The following KIZ variants were observed in gnomAD, a reference collection of about 807,000 sequenced individuals.
The protein encoded by KIZ is centrosomal protein kizuna.
In KIZ, 68 loss-of-function variants were observed where a neutral mutation model predicts 79.6. The ratio of observed to expected loss-of-function variants is 0.85; its 90% CI spans 0.70 to 1.05. The LOEUF (loss-of-function observed/expected upper bound fraction) is 1.05. KIZ is among the 50% of genes least tolerant of loss of function. The pLI, the probability that KIZ is intolerant of heterozygous loss-of-function variation, is 0.00. For missense variants in KIZ, 797 were observed against 800.4 expected (o/e 1.00, Z 0.05); for synonymous variants, 280 against 281.8 (o/e 0.99, Z 0.06).
At chr20:21,217,034 A>T (rs530472336) in intron 9 of KIZ, among the ~76,000 whole-genome samples, 1 of 152,218 alleles carries the variant, frequency 6.6e-6, no homozygotes. Flanking sequence ...GTTTGCCATT[A>T]AGATTTTAAA....
chr20:21,142,623 T>G (rs73131630), intron 3 of KIZ, among the ~76,000 whole-genome samples: 154 of 151,650 alleles, frequency 1.0e-3, no homozygotes, highest in Non-Finnish European at 1.8e-3. Context: ...AGAACCTGTC[T>G]CTACAAAAAA....
chr20:21,162,342 T>C lies in KIZ; in HGVS notation c.877T>C (p.Cys293Arg), dbSNP rs770135261. 7.4e-6 allele frequency: 12 copies of C among 1,613,870 alleles called. No individual in the cohort carries two copies. Among genetic ancestry groups the C allele is most frequent in the Middle Eastern group, 1.6e-4 (1 of 6,062 alleles). The change falls in exon 5 of 13, where the codon TGT (cysteine) becomes CGT (arginine). Residue 293 changes from cysteine (C) to arginine (R), a missense_variant. By Grantham distance (180) the Cys-to-Arg change is radical. Coordinates refer to ENST00000619189, the MANE Select transcript of KIZ (RefSeq NM_018474.6). ...AGAGAACAGAACCACTGATTTAAAG[T>C]GTGACAGTTCCAGCGGATCAGAGGG... ...SPENRTTDLK[C>R]DSSSGSEGEI...
chr20:21,216,021 A>T (rs565610178), intron 9 of KIZ, among the ~76,000 whole-genome samples: 2 of 152,192 alleles, frequency 1.3e-5, no homozygotes, highest in African/African-American at 4.8e-5. Flanking sequence ...TAGTAATTGC[A>T]TATGTATATT....
At chr20:21,241,732 G>A (rs1488513836) in intron 11 of KIZ, among the ~76,000 whole-genome samples, 2 of 152,198 alleles carry the variant, frequency 1.3e-5, no homozygotes, top group Non-Finnish European at 2.9e-5. Context: ...TGCTCAGTGG[G>A]TCACCTCCGT....
chr20:21,128,987 G>A lies in KIZ; in HGVS notation c.89+2783G>A, dbSNP rs549170287. Among the ~76,000 whole-genome samples, 35 of 152,118 alleles carry A rather than the reference G, an allele frequency of 2.3e-4. 1 individual carries two copies. The highest frequency in any genetic ancestry group is 4.3e-4 in the Non-Finnish European group (29 of 68,010). ...GTAAAACTGAAAGGTCCAAGTGAGG[G>A]GTGACTGAAAACATGAACTATGGGT... On this transcript the variant is annotated intron_variant, in intron 1 of 12. Coordinates refer to ENST00000619189, the MANE Select transcript of KIZ (RefSeq NM_018474.6).
chr20:21,139,452 T>C (rs2032392706), intron 3 of KIZ, among the ~76,000 whole-genome samples: 1 of 152,206 alleles, frequency 6.6e-6, no homozygotes, highest in Non-Finnish European at 1.5e-5. Flanking sequence ...ATGAAAAATG[T>C]TTAAAGTTCA....
intron 6 of KIZ, chr20:21,196,614 G>A (rs1334843669): frequency 1.3e-5 from 2 of 152,254 alleles, no homozygotes; most frequent in Non-Finnish European, 2.9e-5. Flanking sequence ...GGTACTATAA[G>A]TCAGATAGGC....
At chr20:21,171,252 A>G (rs1339349643) in intron 6 of KIZ, among the ~76,000 whole-genome samples, 1 of 152,154 alleles carries the variant, frequency 6.6e-6, no homozygotes, top group East Asian at 1.9e-4. Flanking sequence ...GTCTGTTCAG[A>G]TCTGTCACCC....
rs1244408658 is a variant in KIZ, at chr20:21,192,019, G to GCCCT, written c.1353-13472_1353-13471insCCCT. On this transcript the variant is annotated intron_variant, in intron 6 of 12. Coordinates refer to ENST00000619189, the MANE Select transcript of KIZ (RefSeq NM_018474.6). Reference sequence around the variant, plus strand: ...ACCCCAGCTTCTGCCGGCGGGGAGGGGTACACTGGGATTGGAAGAAGGGAA... The same window carrying GCCCT: ...ACCCCAGCTTCTGCCGGCGGGGAGGGCCCTGTACACTGGGATTGGAAGAAGGGAA... 2.6e-5 allele frequency among the ~76,000 whole-genome samples: 4 copies of GCCCT among 152,064 alleles called. No individual in the cohort carries two copies. The East Asian group carries it at 7.7e-4, about 29-fold the overall frequency.
intron 4 of KIZ, 74 bp from the exon 5 acceptor site, chr20:21,161,797 C>CT: frequency 1.0e-6 from 1 of 995,390 alleles, no homozygotes; most frequent in Admixed American, 3.0e-5. Context: ...CCTTTCATTT[C>CT]TGGAAAAAAA....
At chr20:21,206,528 A>C (rs1474218118) in intron 7 of KIZ, among the ~76,000 whole-genome samples, 1 of 152,170 alleles carries the variant, frequency 6.6e-6, no homozygotes, top group East Asian at 1.9e-4. Flanking sequence ...CACACTGGGA[A>C]ACCCAACACA....
chr20:21,178,471 T>C (rs1328579201), intron 6 of KIZ, among the ~76,000 whole-genome samples: 1 of 150,698 alleles, frequency 6.6e-6, no homozygotes, highest in African/African-American at 2.4e-5. Flanking sequence ...TCTAACAGTA[T>C]GCATCTGTGT....
intron 6 of KIZ, among the ~76,000 whole-genome samples, chr20:21,163,991 C>T (rs73133319): frequency 0.014 from 2,174 of 152,066 alleles, 35 homozygotes; most frequent in Middle Eastern, 0.041. Context: ...AATGAGGAAA[C>T]GAAGGCCGGG....
chr20:21,141,798 A>AC (rs2032546697), intron 3 of KIZ, among the ~76,000 whole-genome samples: 1 of 133,274 alleles, frequency 7.5e-6, no homozygotes, highest in Admixed American at 7.4e-5. Context: ...TACTCCTCCC[A>AC]ACACACACAC....
Position 21,205,543 on chromosome 20 carries a change from G to A in KIZ, c.1405G>A (p.Val469Ile), listed in dbSNP as rs2035786651. ...DVPRAQVGQH[V>I]ATLKEHDNSV... The stretch of plus-strand genomic sequence containing the variant: ...ACCGAGGGCACAGGTGGGTCAGCAT[G>A]TTGCCACCTTGAAAGAACATGATAA... The change falls in exon 7 of 13, where the codon GTT becomes ATT. Residue 469 changes from valine to isoleucine, a missense_variant. Coordinates refer to ENST00000619189, the MANE Select transcript of KIZ (RefSeq NM_018474.6). 1 of 1,570,118 alleles carries A rather than the reference G, an allele frequency of 6.4e-7. No individual in the cohort carries two copies. Among genetic ancestry groups the A allele is most frequent in the African/African-American group, 1.4e-5 (1 of 73,930 alleles).
At chr20:21,140,567 A>T (rs2328607) in intron 3 of KIZ, among the ~76,000 whole-genome samples, 85,740 of 152,128 alleles carry the variant, frequency 0.56, 26,153 homozygotes, top group South Asian at 0.77. Flanking sequence ...GAGGCCTATA[A>T]TAATTTTCAG....
At chr20:21,136,715 A>G (rs2032211149) in intron 3 of KIZ, among the ~76,000 whole-genome samples, 163 bp downstream of exon 3, 1 of 151,922 alleles carries the variant, frequency 6.6e-6, no homozygotes, top group African/African-American at 2.4e-5. Flanking sequence ...TTACAGGTGC[A>G]CACCCCATGT....
chr20:21,157,145 A>G (rs1214678915), intron 4 of KIZ, among the ~76,000 whole-genome samples: 3 of 152,180 alleles, frequency 2.0e-5, no homozygotes, highest in Non-Finnish European at 4.4e-5. Flanking sequence ...ACTGGTTCCT[A>G]TAAATAATAC....
intron 6 of KIZ, among the ~76,000 whole-genome samples, chr20:21,188,827 G>A (rs1226836202): frequency 6.6e-6 from 1 of 151,804 alleles, no homozygotes; most frequent in Non-Finnish European, 1.5e-5. Flanking sequence ...AGCCTCCCAA[G>A]TAGCTGAGAC....
Sources: allele counts gnomAD v4.1 joint callset (sites outside exome capture counted in the v4.1 genomes callset), GRCh38; gene constraint gnomAD v4.1.1; transcripts MANE v1.5; gene names NCBI Gene and HGNC (gene_info 2026-07-23, HGNC 2026-07-21).